ZFHX3: variants seen among roughly 807,000 people sequenced by gnomAD.
ZFHX3 encodes the protein zinc finger homeobox protein 3.
Under a neutral mutation model 279.1 loss-of-function variants are expected in ZFHX3, and 42 were observed. That is an observed-to-expected ratio of 0.15 (90% CI 0.12 to 0.19). ZFHX3 has a LOEUF of 0.19. ZFHX3 is among the 10% of genes least tolerant of loss of function. ZFHX3 has a pLI of 1.00. For synonymous variants in ZFHX3, 2,293 were observed against 1,957.8 expected (o/e 1.17, Z -4.52); for missense variants, 4,981 against 4,754.0 (o/e 1.05, Z -1.40).
intron 2 of ZFHX3, among the ~76,000 whole-genome samples, chr16:73,637,445 C>A (rs1200160299): frequency 6.6e-6 from 1 of 151,560 alleles, no homozygotes; most frequent in Non-Finnish European, 1.5e-5. Flanking sequence ...GTTTGTCAGT[C>A]TGGTCTTGAA....
intron 2 of ZFHX3, among the ~76,000 whole-genome samples, chr16:73,520,550 T>C (rs1054396717): frequency 1.3e-5 from 2 of 152,198 alleles, no homozygotes; most frequent in Non-Finnish European, 2.9e-5. Flanking sequence ...TGATGCACCT[T>C]CAAATTCTCC....
At chr16:72,918,695 C>CTTTT (rs568638106) in intron 3 of ZFHX3, among the ~76,000 whole-genome samples, 1 of 130,696 alleles carries the variant, frequency 7.7e-6, no homozygotes, top group African/African-American at 2.8e-5. Flanking sequence ...AAAGGTAGTT[C>CTTTT]TTTTTTTTTT....
rs62639993 is a variant in ZFHX3 at position 72,788,452 on chromosome 16, G to C, written c.9824C>G (p.Pro3275Arg). 6.2e-7 allele frequency: 1 copy of C among 1,614,248 alleles called. No individual in the cohort carries two copies. Among genetic ancestry groups the C allele is most frequent in the Non-Finnish European group, 8.5e-7 (1 of 1,180,038 alleles). ...TACCGCATACTCCATGGTGGGCAGC[G>C]GGGCTGAGATCGTGGCTGCAGTTGC... ...PTATAATISA[P>R]LPTMEYAVDP... The change falls in exon 10 of 10, where the codon CCG becomes CGG. Residue 3275 changes from proline (P) to arginine (R), a missense_variant. Transcript: ENST00000268489.
At chr16:73,462,508 G>A (rs2018489904) in intron 2 of ZFHX3, among the ~76,000 whole-genome samples, 1 of 152,154 alleles carries the variant, frequency 6.6e-6, no homozygotes, top group African/African-American at 2.4e-5. Flanking sequence ...TAGCGGAAAA[G>A]TGTTCAGTCT....
intron 3 of ZFHX3, among the ~76,000 whole-genome samples, chr16:72,946,670 G>C (rs1161864938): frequency 6.6e-6 from 1 of 152,192 alleles, no homozygotes. Flanking sequence ...GCTGGTGCCA[G>C]CTCTGAACCC....
chr16:73,001,999 C>T (rs1963513991), intron 1 of ZFHX3, among the ~76,000 whole-genome samples: 2 of 152,118 alleles, frequency 1.3e-5, no homozygotes. Flanking sequence ...GGGCCTCTCT[C>T]CATCCTCACA....
intron 2 of ZFHX3, among the ~76,000 whole-genome samples, chr16:73,593,435 T>C (rs1417880702): frequency 6.6e-6 from 1 of 152,104 alleles, no homozygotes; most frequent in Non-Finnish European, 1.5e-5. Context: ...CCAAACAGGT[T>C]TTATCCCAGA....
intron 2 of ZFHX3, among the ~76,000 whole-genome samples, chr16:73,494,068 G>A (rs1567500676): frequency 1.3e-5 from 2 of 151,882 alleles, no homozygotes; most frequent in Admixed American, 6.6e-5. Context: ...TCTCCCTCAG[G>A]GCCTCTTGAA....
intron 1 of ZFHX3, among the ~76,000 whole-genome samples, chr16:73,834,071 G>A (rs889993127): frequency 1.3e-5 from 2 of 152,046 alleles, no homozygotes; most frequent in African/African-American, 4.8e-5. Context: ...TTAGTGATGT[G>A]CTTGAGTCAC....
intron 4 of ZFHX3, among the ~76,000 whole-genome samples, chr16:72,862,752 A>G (rs903599415): frequency 4.6e-5 from 7 of 152,228 alleles, no homozygotes; most frequent in Admixed American, 6.5e-5. Context: ...CTGTGGGGCT[A>G]TAATCATCAA....
chr16:73,731,893 A>G (rs1240564172), intron 1 of ZFHX3, among the ~76,000 whole-genome samples: 1 of 152,232 alleles, frequency 6.6e-6, no homozygotes, highest in Non-Finnish European at 1.5e-5. Flanking sequence ...AGAGCTCAGC[A>G]TATTCTGAAT....
At chr16:73,688,766 C>T (rs2053117502) in intron 1 of ZFHX3, among the ~76,000 whole-genome samples, 1 of 152,112 alleles carries the variant, frequency 6.6e-6, no homozygotes, top group African/African-American at 2.4e-5. Flanking sequence ...GTGGGAGGGA[C>T]CAGGTGGGAG....
intron 3 of ZFHX3, among the ~76,000 whole-genome samples, chr16:73,374,926 A>G (rs1234841262): frequency 6.6e-6 from 1 of 152,182 alleles, no homozygotes; most frequent in African/African-American, 2.4e-5. Flanking sequence ...AGGTGGTGGT[A>G]TGGATTTCTA....
intron 1 of ZFHX3, among the ~76,000 whole-genome samples, chr16:73,796,232 G>T (rs1297306695): frequency 6.6e-6 from 1 of 152,078 alleles, no homozygotes; most frequent in Non-Finnish European, 1.5e-5. Context: ...TAAACCTTTT[G>T]CACAGCCACT....
intron 4 of ZFHX3, among the ~76,000 whole-genome samples, chr16:72,842,352 G>C (rs2037364833): frequency 1.3e-5 from 2 of 152,008 alleles, no homozygotes; most frequent in Non-Finnish European, 2.9e-5. Context: ...CAAAGTGTTG[G>C]GATTAGAAGT....
At chr16:73,425,257 A>G (rs1379355637) in intron 3 of ZFHX3, among the ~76,000 whole-genome samples, 3 of 152,186 alleles carry the variant, frequency 2.0e-5, no homozygotes, top group Non-Finnish European at 4.4e-5. Flanking sequence ...CTCTCTCCCC[A>G]GTCTTGTGCC....
chr16:73,566,393 T>C (rs2020451239), intron 2 of ZFHX3, among the ~76,000 whole-genome samples: 1 of 152,210 alleles, frequency 6.6e-6, no homozygotes, highest in South Asian at 2.1e-4. Flanking sequence ...TGTCTGATAG[T>C]TCTGGAAGGC....
At chr16:73,186,952 T>C (rs922923094) in intron 5 of ZFHX3, among the ~76,000 whole-genome samples, 1 of 152,232 alleles carries the variant, frequency 6.6e-6, no homozygotes, top group Admixed American at 6.5e-5. Context: ...GGGAAACTAT[T>C]TCAGGGCTTA....
intron 2 of ZFHX3, among the ~76,000 whole-genome samples, chr16:73,600,359 T>C (rs7200339): frequency 0.18 from 27,966 of 151,364 alleles, 2,701 homozygotes; most frequent in East Asian, 0.19. Flanking sequence ...TTGCTCCTTG[T>C]CCCATATTTC....
Sources: allele counts gnomAD v4.1 joint callset (sites outside exome capture counted in the v4.1 genomes callset), GRCh38; gene constraint gnomAD v4.1.1; transcripts MANE v1.5; gene names NCBI Gene and HGNC (gene_info 2026-07-23, HGNC 2026-07-21).